CAST: variants seen among roughly 807,000 people sequenced by gnomAD.
CAST encodes the protein calpastatin, also known as MIR583 host.
In CAST, 76 loss-of-function variants were observed where a neutral mutation model predicts 119.6. That is an observed-to-expected ratio of 0.64 (90% CI 0.53 to 0.77). CAST has a LOEUF of 0.77. Ranked by LOEUF, CAST falls within the 30% of genes least tolerant of loss-of-function variation. CAST has a pLI of 0.00. For synonymous variants in CAST, 319 were observed against 331.6 expected (o/e 0.96, Z 0.41); for missense variants, 953 against 946.5 (o/e 1.01, Z -0.09).
chr5:95,972,539 GTCTTTTCAGA>G, the CAST span, among the ~76,000 whole-genome samples: 1 of 151,744 alleles, frequency 6.6e-6, no homozygotes, highest in Non-Finnish European at 1.5e-5. Context: ...TTGTTGAAGT[GTCTTTTCAGA>G]TCTTTTGTCC....
chr5:96,580,551 A>G (rs1276595932), intron 1 of CAST, among the ~76,000 whole-genome samples: 1 of 152,200 alleles, frequency 6.6e-6, no homozygotes, highest in African/African-American at 2.4e-5. Flanking sequence ...GGTATCTTGT[A>G]AAACTTAAGA....
At chr5:96,306,043 T>G in the CAST span, among the ~76,000 whole-genome samples, 1 of 152,222 alleles carries the variant, frequency 6.6e-6, no homozygotes, top group Non-Finnish European at 1.5e-5. Context: ...TCCTCGTACC[T>G]CTGTTAGAAT....
chr5:96,703,118 C>T (rs908630613), intron 3 of CAST, among the ~76,000 whole-genome samples: 1 of 152,186 alleles, frequency 6.6e-6, no homozygotes, highest in African/African-American at 2.4e-5. Flanking sequence ...GCGACTCCTC[C>T]TCCTTGTCGG....
At chr5:96,695,313 A>C (rs1207003879) in intron 2 of CAST, among the ~76,000 whole-genome samples, 2 of 152,218 alleles carry the variant, frequency 1.3e-5, no homozygotes, top group African/African-American at 2.4e-5. Flanking sequence ...CTATTATTCT[A>C]ATAATTACCT....
chr5:96,366,612 G>T, the CAST span, among the ~76,000 whole-genome samples: 1 of 152,078 alleles, frequency 6.6e-6, no homozygotes, highest in African/African-American at 2.4e-5. Context: ...TCTTCCAGTT[G>T]ATCGAATCAG....
chr5:96,152,423 T>C, the CAST span, among the ~76,000 whole-genome samples: 1 of 152,152 alleles, frequency 6.6e-6, no homozygotes, highest in Non-Finnish European at 1.5e-5. Flanking sequence ...TTTCAGTCTC[T>C]ACCAGGGAAT....
At chr5:96,576,505 C>T (rs1317435826) in intron 1 of CAST, among the ~76,000 whole-genome samples, 4 of 151,950 alleles carry the variant, frequency 2.6e-5, no homozygotes, top group Admixed American at 6.6e-5. Flanking sequence ...TCACCATGCC[C>T]GGCTAATTTT....
the CAST span, among the ~76,000 whole-genome samples, chr5:96,366,844 C>T: frequency 3.3e-5 from 5 of 152,238 alleles, no homozygotes; most frequent in Admixed American, 2.0e-4. Flanking sequence ...AGTCATTCTC[C>T]ATCCAGCTTT....
chr5:96,608,290 C>T (rs1747297648), intron 1 of CAST, among the ~76,000 whole-genome samples: 1 of 152,268 alleles, frequency 6.6e-6, no homozygotes, highest in East Asian at 1.9e-4. Context: ...TAGGTTTAAT[C>T]CCACCCCTGC....
the CAST span, among the ~76,000 whole-genome samples, chr5:96,085,750 T>C: frequency 6.6e-6 from 1 of 152,208 alleles, no homozygotes; most frequent in Non-Finnish European, 1.5e-5. Context: ...CTCATGGGCT[T>C]GGGCAGCTTG....
the CAST span, among the ~76,000 whole-genome samples, chr5:96,271,009 ATG>A: frequency 4.2e-5 from 3 of 71,630 alleles, no homozygotes; most frequent in East Asian, 3.8e-4. Context: ...TTTAAAAAAA[ATG>A]AAGAAAGCAA....
chr5:96,236,024 G>A, the CAST span, among the ~76,000 whole-genome samples: 2 of 152,280 alleles, frequency 1.3e-5, no homozygotes, highest in Admixed American at 6.5e-5. Flanking sequence ...CTTTTCGATA[G>A]CATTGAAAAT....
At chr5:96,489,072 A>G in the CAST span, among the ~76,000 whole-genome samples, 23 of 152,210 alleles carry the variant, frequency 1.5e-4, no homozygotes, top group Admixed American at 2.6e-4. Context: ...GTTACTAGTA[A>G]TTGGATTCAG....
At chr5:96,294,771 A>G in the CAST span, among the ~76,000 whole-genome samples, 2 of 152,326 alleles carry the variant, frequency 1.3e-5, no homozygotes, top group South Asian at 4.1e-4. Flanking sequence ...AGGTCACTCT[A>G]CTTCACATGG....
the CAST span, among the ~76,000 whole-genome samples, chr5:96,030,547 T>G: frequency 6.6e-6 from 1 of 152,132 alleles, no homozygotes; most frequent in African/African-American, 2.4e-5. Context: ...AGGCTGTAAG[T>G]ATGGACAGCA....
chr5:96,573,381 A>G (rs1317651018), intron 1 of CAST, among the ~76,000 whole-genome samples: 2 of 152,196 alleles, frequency 1.3e-5, no homozygotes, highest in Non-Finnish European at 2.9e-5. Flanking sequence ...CTGTAATCCC[A>G]ACACTTTGGG....
chr5:96,755,610 C>T (rs75702150), intron 22 of CAST, among the ~76,000 whole-genome samples: 1,576 of 152,260 alleles, frequency 0.01, 15 homozygotes, highest in Non-Finnish European at 0.015. Flanking sequence ...TGTAGCAGGC[C>T]AGGATTTGAA....
At chr5:96,275,530 T>G in the CAST span, among the ~76,000 whole-genome samples, 2 of 152,324 alleles carry the variant, frequency 1.3e-5, no homozygotes, top group South Asian at 4.1e-4. Context: ...TATGATAGTT[T>G]GTGTAAGCTC....
the CAST span, among the ~76,000 whole-genome samples, chr5:96,518,585 G>C: frequency 6.6e-6 from 1 of 152,170 alleles, no homozygotes; most frequent in African/African-American, 2.4e-5. Context: ...AGCATCCCAT[G>C]GCCAAGCAGT....
Sources: allele counts gnomAD v4.1 joint callset (sites outside exome capture counted in the v4.1 genomes callset), GRCh38; gene constraint gnomAD v4.1.1; transcripts MANE v1.5; gene names NCBI Gene and HGNC (gene_info 2026-07-23, HGNC 2026-07-21).